Variants in GALNT17 observed in about 807,000 individuals in gnomAD.
The protein encoded by GALNT17 is UDP-GalNAc:polypeptide N-acetylgalactosaminyltransferase-like 3.
GALNT17 carries 29 observed loss-of-function variants against 63.7 expected under a neutral mutation model. The ratio of observed to expected loss-of-function variants is 0.46; its 90% CI spans 0.34 to 0.62. The LOEUF is 0.62. GALNT17 is among the 20% of genes least tolerant of loss of function. GALNT17 has a pLI of 0.01. For missense variants in GALNT17, 603 were observed against 799.6 expected (o/e 0.75, Z 2.97); for synonymous variants, 305 against 318.3 (o/e 0.96, Z 0.45).
At chr7:71,677,190 G>A (rs777762712) in intron 8 of GALNT17, 21 bp from the exon 9 acceptor site, 56 of 1,612,816 alleles carry the variant, frequency 3.5e-5, no homozygotes, top group African/African-American at 1.1e-4. Flanking sequence ...CTCATGGGTC[G>A]TGTTTTGTCT....
At chr7:71,358,788 T>A (rs1792340901) in intron 2 of GALNT17, among the ~76,000 whole-genome samples, 1 of 152,190 alleles carries the variant, frequency 6.6e-6, no homozygotes, top group Non-Finnish European at 1.5e-5. Flanking sequence ...TTTCTTTTTT[T>A]TTGAGACGTG....
chr7:71,249,935 T>C (rs557415486), intron 1 of GALNT17, among the ~76,000 whole-genome samples: 1 of 152,358 alleles, frequency 6.6e-6, no homozygotes, highest in Admixed American at 6.5e-5. Context: ...TCAATATTTT[T>C]AACAAATGGG....
At chr7:71,199,853 T>C (rs960682950) in intron 1 of GALNT17, among the ~76,000 whole-genome samples, 1 of 152,158 alleles carries the variant, frequency 6.6e-6, no homozygotes, top group Non-Finnish European at 1.5e-5. Flanking sequence ...TATAGAGATA[T>C]AAAGAAAAAT....
intron 6 of GALNT17, among the ~76,000 whole-genome samples, chr7:71,646,292 G>C (rs1236892757): frequency 6.6e-6 from 1 of 152,112 alleles, no homozygotes; most frequent in Non-Finnish European, 1.5e-5. Flanking sequence ...GAAAAGGATG[G>C]GATGGAGCTC....
intron 1 of GALNT17, among the ~76,000 whole-genome samples, chr7:71,225,749 C>T (rs1456743929): frequency 2.0e-5 from 3 of 152,002 alleles, no homozygotes. Context: ...TGTCATTCCC[C>T]GGGAAAATTG....
At position 71,591,116 on chromosome 7, in the gene GALNT17, G is replaced by A. The variant is rs1256719623; in HGVS notation, c.1080+19714G>A. Among the ~76,000 whole-genome samples, 4 of 152,136 alleles carry A rather than the reference G, an allele frequency of 2.6e-5. No individual in the cohort carries two copies. In the East Asian group the frequency reaches 7.7e-4, roughly 29 times the overall value. ...CTGTCTCCCATGCTGGAATGCAGCG[G>A]CTTCATCTCGGCTCACTGCAACCTC... On this transcript the variant is annotated intron_variant, in intron 6 of 10. Coordinates refer to ENST00000333538, the MANE Select transcript of GALNT17 (RefSeq NM_022479.3).
intron 6 of GALNT17, among the ~76,000 whole-genome samples, chr7:71,664,930 A>G (rs1790961444): frequency 6.6e-6 from 1 of 152,182 alleles, no homozygotes; most frequent in South Asian, 2.1e-4. Context: ...AGGTTAGACC[A>G]TGCTGCAGTA....
intron 1 of GALNT17, among the ~76,000 whole-genome samples, chr7:71,201,239 T>TATATATATATATATATATATATATATA (rs1554338078): frequency 7.5e-4 from 76 of 101,578 alleles, no homozygotes; most frequent in African/African-American, 2.7e-3. Flanking sequence ...GTGTGTTTAT[T>TATATATATATATATATATATATATATA]TTTATATATA....
intron 5 of GALNT17, among the ~76,000 whole-genome samples, chr7:71,490,031 G>A (rs558467739): frequency 6.6e-6 from 1 of 151,960 alleles, no homozygotes; most frequent in South Asian, 2.1e-4. Context: ...GCCGAGGCGG[G>A]CAGATCACGA....
chr7:71,524,247 AAT>A (rs1337459790), intron 5 of GALNT17, among the ~76,000 whole-genome samples: 1 of 147,374 alleles, frequency 6.8e-6, no homozygotes, highest in Non-Finnish European at 1.5e-5. Flanking sequence ...ATATAATAAT[AAT>A]ATATATTATA....
At chr7:71,692,737 A>AT (rs35774725) in intron 9 of GALNT17, among the ~76,000 whole-genome samples, 3 of 147,218 alleles carry the variant, frequency 2.0e-5, no homozygotes, top group African/African-American at 7.5e-5. Context: ...TTTTTATTCT[A>AT]TTTTTTTTTT....
At chr7:71,445,214 C>T (rs1337651748) in intron 5 of GALNT17, among the ~76,000 whole-genome samples, 2 of 146,994 alleles carry the variant, frequency 1.4e-5, no homozygotes, top group East Asian at 2.0e-4. Flanking sequence ...ATTCTCACTC[C>T]GTCACCCAGG....
intron 5 of GALNT17, among the ~76,000 whole-genome samples, chr7:71,560,627 A>G (rs2116852349): frequency 6.6e-6 from 1 of 152,350 alleles, no homozygotes; most frequent in East Asian, 1.9e-4. Context: ...CCCAGGTTGC[A>G]TGTGATGGTA....
At chr7:71,632,608 A>C (rs1387590302) in intron 6 of GALNT17, among the ~76,000 whole-genome samples, 1 of 152,146 alleles carries the variant, frequency 6.6e-6, no homozygotes, top group East Asian at 1.9e-4. Context: ...TGAGGAGAGA[A>C]TCTGGGACCA....
At position 71,511,850 on chromosome 7, in the gene GALNT17, C is replaced by T. The variant is rs569194859; in HGVS notation, c.963-59435C>T. ...AGGGGTCCCTTCTCTTGTCATATTT[C>T]CCAGAGTTGTGCTTCTGCTAGACAT... On this transcript the variant is annotated intron_variant, in intron 5 of 10. Coordinates refer to ENST00000333538, the MANE Select transcript of GALNT17 (RefSeq NM_022479.3). Among the ~76,000 whole-genome samples the T allele has an allele frequency of 1.4e-4, 22 of 152,198 alleles. No individual in the cohort carries two copies. In the South Asian group the frequency reaches 4.6e-3, roughly 32 times the overall value.
chr7:71,462,613 G>A (rs1158102735), intron 5 of GALNT17, among the ~76,000 whole-genome samples: 1 of 152,198 alleles, frequency 6.6e-6, no homozygotes, highest in East Asian at 1.9e-4. Flanking sequence ...ATCAATATAT[G>A]TTAAAAGTAC....
In GALNT17 at chr7:71,237,632, T is replaced by A. The variant is rs144212308; in HGVS notation, c.239-97918T>A. Among the ~76,000 whole-genome samples, 430 of 151,658 alleles carry A rather than the reference T, an allele frequency of 2.8e-3. 5 individuals are homozygous for A. The highest frequency in any genetic ancestry group is 9.8e-3 in the African/African-American group (405 of 41,312). On this transcript the variant is annotated intron_variant, in intron 1 of 10. Transcript: ENST00000333538. ...CCCAGGAGCTTGAGGCTACTGCGAG[T>A]TATAATCAGGCTATGGCACTCCAGC...
chr7:71,299,070 G>T (rs916726636), intron 1 of GALNT17, among the ~76,000 whole-genome samples: 1 of 152,214 alleles, frequency 6.6e-6, no homozygotes, highest in African/African-American at 2.4e-5. Flanking sequence ...CCTGCGGAGA[G>T]AGGGAGACTA....
chr7:71,458,440 T>C (rs1463691149), intron 5 of GALNT17, among the ~76,000 whole-genome samples: 1 of 152,198 alleles, frequency 6.6e-6, no homozygotes, highest in East Asian at 1.9e-4. Context: ...TGCCTGTGGC[T>C]GCCAAAGCCC....
Sources: allele counts gnomAD v4.1 joint callset (sites outside exome capture counted in the v4.1 genomes callset), GRCh38; gene constraint gnomAD v4.1.1; transcripts MANE v1.5; gene names NCBI Gene and HGNC (gene_info 2026-07-23, HGNC 2026-07-21).